Variants in KCNT2 observed in about 807,000 individuals in gnomAD.
KCNT2 encodes potassium sodium-activated channel subfamily T member 2, also known as potassium channel subfamily T member 2.
In KCNT2, 67 loss-of-function variants were observed where a neutral mutation model predicts 153.8. That is an observed-to-expected ratio of 0.44 (90% CI 0.36 to 0.53). KCNT2 has a LOEUF of 0.53. Ranked by LOEUF, KCNT2 falls within the 20% of genes least tolerant of loss-of-function variation. The pLI is 0.00. For synonymous variants in KCNT2, 500 were observed against 458.8 expected (o/e 1.09, Z -1.15); for missense variants, 975 against 1,354.8 (o/e 0.72, Z 4.40).
At chr1:196,234,204 T>C (rs1654209050) in intron 27 of KCNT2, among the ~76,000 whole-genome samples, 1 of 151,230 alleles carries the variant, frequency 6.6e-6, no homozygotes, top group Non-Finnish European at 1.5e-5. Context: ...ATAAACTTAA[T>C]TAATTAGAAA....
At chr1:196,596,293 A>C (rs1235240272) in intron 1 of KCNT2, among the ~76,000 whole-genome samples, 1 of 151,982 alleles carries the variant, frequency 6.6e-6, no homozygotes, top group African/African-American at 2.4e-5. Context: ...TTAGTTTTTC[A>C]AGGAATCTCC....
intron 8 of KCNT2, among the ~76,000 whole-genome samples, chr1:196,445,141 T>A (rs183142634): frequency 6.6e-6 from 1 of 151,516 alleles, no homozygotes; most frequent in Admixed American, 6.6e-5. Context: ...CCATTATATG[T>A]TTAAAGATAT....
intron 8 of KCNT2, among the ~76,000 whole-genome samples, chr1:196,434,668 T>C (rs1674462601): frequency 6.6e-6 from 1 of 151,998 alleles, no homozygotes; most frequent in Non-Finnish European, 1.5e-5. Flanking sequence ...AATATTCCTG[T>C]ACCACCCATC....
chr1:196,558,544 C>T lies in KCNT2; in HGVS notation c.95+49671G>A, dbSNP rs1020419815. Among the ~76,000 whole-genome samples, 6 of 151,234 alleles carry T rather than the reference C, an allele frequency of 4.0e-5. No individual in the cohort carries two copies. The Admixed American group carries it at 4.0e-4, about 10-fold the overall frequency. Reference sequence around the variant, plus strand: ...AACAAGGCAATTATTATGTAATTTACAAGAATGTCTAGTGTCTTCCGAAAC... The same window carrying T: ...AACAAGGCAATTATTATGTAATTTATAAGAATGTCTAGTGTCTTCCGAAAC... On this transcript the variant is annotated intron_variant, in intron 1 of 27. Transcript: ENST00000294725.
chr1:196,469,994 C>G (rs576574467), intron 5 of KCNT2, among the ~76,000 whole-genome samples: 1 of 152,178 alleles, frequency 6.6e-6, no homozygotes, highest in Non-Finnish European at 1.5e-5. Context: ...AAAAACTGCA[C>G]TGATGGAATA....
intron 1 of KCNT2, among the ~76,000 whole-genome samples, chr1:196,495,606 T>C (rs1296754317): frequency 2.6e-5 from 4 of 152,116 alleles, no homozygotes; most frequent in African/African-American, 4.8e-5. Context: ...GTAGACTATG[T>C]TAGTGTAATC....
intron 3 of KCNT2, among the ~76,000 whole-genome samples, chr1:196,484,830 C>A (rs189111827): frequency 6.6e-6 from 1 of 151,954 alleles, no homozygotes; most frequent in Non-Finnish European, 1.5e-5. Context: ...GAATTAGGAA[C>A]GCTTTTACAC....
At chr1:196,478,595 C>T (rs1360857091) in intron 5 of KCNT2, among the ~76,000 whole-genome samples, 5 of 152,046 alleles carry the variant, frequency 3.3e-5, no homozygotes, top group Non-Finnish European at 7.4e-5. Flanking sequence ...GATATGAGCT[C>T]TCTCTATAAA....
intron 25 of KCNT2, among the ~76,000 whole-genome samples, chr1:196,262,396 T>G (rs964727861): frequency 1.3e-5 from 2 of 152,056 alleles, no homozygotes; most frequent in African/African-American, 4.8e-5. Flanking sequence ...CATAGTACTC[T>G]AAACTGTGCT....
At chr1:196,441,381 C>A (rs1340188703) in intron 8 of KCNT2, among the ~76,000 whole-genome samples, 2 of 150,302 alleles carry the variant, frequency 1.3e-5, no homozygotes, top group African/African-American at 4.9e-5. Flanking sequence ...ACAAAATATT[C>A]TCCATTTTGA....
At chr1:196,595,591 C>G (rs902136216) in intron 1 of KCNT2, among the ~76,000 whole-genome samples, 1 of 152,066 alleles carries the variant, frequency 6.6e-6, no homozygotes, top group South Asian at 2.1e-4. Flanking sequence ...AAGTATAAAT[C>G]TAGATTACTT....
chr1:196,476,355 G>A (rs1463421891), intron 5 of KCNT2, among the ~76,000 whole-genome samples: 1 of 152,074 alleles, frequency 6.6e-6, no homozygotes, highest in Admixed American at 6.6e-5. Context: ...TTAAAGATAA[G>A]AACTGGGATA....
chr1:196,256,701 A>G (rs893369467), intron 26 of KCNT2, among the ~76,000 whole-genome samples: 8 of 147,306 alleles, frequency 5.4e-5, no homozygotes, highest in African/African-American at 1.6e-4. Flanking sequence ...ACAGGTGATT[A>G]TCATGGAAAT....
At chr1:196,266,266 G>T (rs1275521582) in intron 25 of KCNT2, among the ~76,000 whole-genome samples, 1 of 152,084 alleles carries the variant, frequency 6.6e-6, no homozygotes, top group Non-Finnish European at 1.5e-5. Flanking sequence ...GTTGAGGATT[G>T]AACTATAGTT....
At chr1:196,494,680 T>C (rs1414645088) in intron 1 of KCNT2, among the ~76,000 whole-genome samples, 1 of 152,020 alleles carries the variant, frequency 6.6e-6, no homozygotes, top group African/African-American at 2.4e-5. Context: ...TCTAAAGCCT[T>C]AACAAAAATA....
At chr1:196,479,329 G>GTA in intron 4 of KCNT2, 91 bp from the exon 5 acceptor site, 4 of 730,024 alleles carry the variant, frequency 5.5e-6, no homozygotes, top group Non-Finnish European at 9.4e-6. Flanking sequence ...TTAAATATAT[G>GTA]TGCATGTATA....
intron 13 of KCNT2, among the ~76,000 whole-genome samples, chr1:196,374,886 T>C (rs1668825507): frequency 6.6e-6 from 1 of 151,780 alleles, no homozygotes; most frequent in Non-Finnish European, 1.5e-5. Context: ...TATTACCACA[T>C]AGAATTGTTA....
chr1:196,352,084 A>G (rs917764857), intron 14 of KCNT2, among the ~76,000 whole-genome samples: 1 of 151,984 alleles, frequency 6.6e-6, no homozygotes, highest in African/African-American at 2.4e-5. Flanking sequence ...AAGCTTTTGG[A>G]TGTGTTGCTG....
chr1:196,283,029 A>G (rs606473), intron 23 of KCNT2, among the ~76,000 whole-genome samples: 126,300 of 152,128 alleles, frequency 0.83, 53,575 homozygotes, highest in East Asian at 0.97. Context: ...ATTTTTAGTA[A>G]AGACAGGGTT....
Sources: gnomAD v4.1 joint callset for allele counts (sites outside exome capture counted in the v4.1 genomes callset) on GRCh38, gnomAD v4.1.1 for gene constraint, MANE v1.5 for transcripts, NCBI Gene and HGNC (gene_info 2026-07-23, HGNC 2026-07-21) for gene names.